Variants in SCAPER observed in about 807,000 individuals in gnomAD.
SCAPER encodes the protein S-phase cyclin A associated protein in the ER, also known as S phase cyclin A-associated protein in the endoplasmic reticulum.
In SCAPER, 98 loss-of-function variants were observed where a neutral mutation model predicts 182.2. That is an observed-to-expected ratio of 0.54 (90% CI 0.46 to 0.64). The LOEUF is 0.64. Among genes scored for constraint, SCAPER ranks in the 30% least tolerant of loss-of-function variants. SCAPER has a pLI of 0.00. For missense variants in SCAPER, 1,432 were observed against 1,690.0 expected (o/e 0.85, Z 2.68); for synonymous variants, 605 against 564.6 (o/e 1.07, Z -1.01).
intron 21 of SCAPER, among the ~76,000 whole-genome samples, chr15:76,653,450 C>G (rs978402739): frequency 2.0e-5 from 3 of 152,092 alleles, no homozygotes; most frequent in Non-Finnish European, 4.4e-5. Context: ...ATCACACTAC[C>G]CAACTTCAAG....
chr15:76,621,404 C>T (rs555819946), intron 22 of SCAPER, among the ~76,000 whole-genome samples: 1 of 152,308 alleles, frequency 6.6e-6, no homozygotes, highest in African/African-American at 2.4e-5. Context: ...CCAGCACAGC[C>T]TTGCTTTGCC....
intron 21 of SCAPER, among the ~76,000 whole-genome samples, chr15:76,658,124 ATCTC>A (rs1473320132): frequency 1.3e-5 from 2 of 152,064 alleles, no homozygotes; most frequent in Admixed American, 1.3e-4. Context: ...AAGTCAAACT[ATCTC>A]TATTAGCTGA....
chr15:76,563,913 C>A (rs1291486281), intron 23 of SCAPER, among the ~76,000 whole-genome samples: 1 of 151,984 alleles, frequency 6.6e-6, no homozygotes, highest in African/African-American at 2.4e-5. Flanking sequence ...ACAAAAAACC[C>A]CCACATGATT....
At chr15:76,893,718 A>G (rs2074279884) in intron 1 of SCAPER, among the ~76,000 whole-genome samples, 1 of 152,248 alleles carries the variant, frequency 6.6e-6, no homozygotes, top group Admixed American at 6.5e-5. Context: ...GATATCAAGT[A>G]TCTTTTCTGA....
chr15:76,525,885 AT>A (rs1341851027), intron 23 of SCAPER, among the ~76,000 whole-genome samples: 2 of 152,116 alleles, frequency 1.3e-5, no homozygotes, highest in Non-Finnish European at 2.9e-5. Context: ...AAGTAATGGG[AT>A]TGTTGGGTCA....
At chr15:76,887,164 A>G (rs2073884726) in intron 1 of SCAPER, among the ~76,000 whole-genome samples, 1 of 152,230 alleles carries the variant, frequency 6.6e-6, no homozygotes. Flanking sequence ...AAAAGTTTCA[A>G]AAAAAGAAAG....
chr15:76,893,122 A>C (rs1256922841), intron 1 of SCAPER, among the ~76,000 whole-genome samples: 2 of 152,196 alleles, frequency 1.3e-5, no homozygotes, highest in African/African-American at 4.8e-5. Flanking sequence ...TGGTAATTGA[A>C]CAATGAGAAC....
intron 26 of SCAPER, among the ~76,000 whole-genome samples, chr15:76,430,244 T>C (rs988625240): frequency 6.6e-6 from 1 of 152,110 alleles, no homozygotes; most frequent in African/African-American, 2.4e-5. Context: ...GCTAGGGCAG[T>C]GTGGAAGGGA....
intron 29 of SCAPER, among the ~76,000 whole-genome samples, chr15:76,369,138 T>A (rs998778765): frequency 6.6e-6 from 1 of 152,202 alleles, no homozygotes; most frequent in Admixed American, 6.5e-5. Context: ...GTTAATAGAC[T>A]AAATGGTGGC....
chr15:76,477,702 A>G (rs1490441432), intron 24 of SCAPER, among the ~76,000 whole-genome samples: 1 of 152,172 alleles, frequency 6.6e-6, no homozygotes, highest in Non-Finnish European at 1.5e-5. Flanking sequence ...AGCTAAATAA[A>G]ACCGGTATTT....
intron 21 of SCAPER, among the ~76,000 whole-genome samples, chr15:76,627,715 C>T (rs911794968): frequency 2.3e-4 from 35 of 152,066 alleles, no homozygotes; most frequent in African/African-American, 8.5e-4. Flanking sequence ...TGGGTTGATT[C>T]CATGTCTTTT....
At chr15:76,681,095 A>G (rs2057675957) in intron 20 of SCAPER, among the ~76,000 whole-genome samples, 1 of 152,306 alleles carries the variant, frequency 6.6e-6, no homozygotes, top group South Asian at 2.1e-4. Flanking sequence ...TGATGGTTCC[A>G]TGGTGTTATG....
intron 10 of SCAPER, among the ~76,000 whole-genome samples, chr15:76,771,518 T>C (rs556450617): frequency 5.9e-5 from 9 of 152,130 alleles, no homozygotes; most frequent in Non-Finnish European, 1.3e-4. Context: ...CCAAATGATT[T>C]TGAACAAGTC....
intron 17 of SCAPER, among the ~76,000 whole-genome samples, chr15:76,714,538 GTA>G (rs2059780791): frequency 1.9e-5 from 1 of 53,582 alleles, no homozygotes; most frequent in South Asian, 1.1e-3. Flanking sequence ...AGTAGTGGTA[GTA>G]GTAGTAGTAG....
chr15:76,409,954 ATT>A (rs534239321), intron 26 of SCAPER, among the ~76,000 whole-genome samples: 31 of 136,996 alleles, frequency 2.3e-4, no homozygotes, highest in Middle Eastern at 3.8e-3. Flanking sequence ...GGCCTGGCTA[ATT>A]TTTTTTTTTT....
intron 5 of SCAPER, among the ~76,000 whole-genome samples, chr15:76,830,929 C>T (rs1022685628): frequency 6.6e-6 from 1 of 152,032 alleles, no homozygotes; most frequent in Non-Finnish European, 1.5e-5. Flanking sequence ...TGCCAAGCAC[C>T]GTGACCCATT....
intron 25 of SCAPER, among the ~76,000 whole-genome samples, chr15:76,462,725 T>G (rs1236601035): frequency 6.6e-6 from 1 of 152,158 alleles, no homozygotes; most frequent in Non-Finnish European, 1.5e-5. Context: ...ATGAATGTAG[T>G]AGAAAGGCAA....
At chr15:76,733,574 C>A (rs188008917) in intron 15 of SCAPER, among the ~76,000 whole-genome samples, 190 bp from the exon 16 acceptor site, 2 of 151,380 alleles carry the variant, frequency 1.3e-5, no homozygotes, top group African/African-American at 2.4e-5. Flanking sequence ...TATGGTGAAA[C>A]CCCATCTCTA....
chr15:76,770,079 T>A (rs535008997), intron 10 of SCAPER, among the ~76,000 whole-genome samples: 2 of 152,022 alleles, frequency 1.3e-5, no homozygotes, highest in Non-Finnish European at 2.9e-5. Context: ...CTGGAAACCA[T>A]CATTCTAAGC....
Sources: gnomAD v4.1 joint callset for allele counts (sites outside exome capture counted in the v4.1 genomes callset) on GRCh38, gnomAD v4.1.1 for gene constraint, MANE v1.5 for transcripts, NCBI Gene and HGNC (gene_info 2026-07-23, HGNC 2026-07-21) for gene names.